MR1: variants seen among roughly 807,000 people sequenced by gnomAD.
MR1 encodes major histocompatibility complex, class I-related.
A neutral mutation model predicts 37.8 loss-of-function variants in MR1; 44 were observed. The observed-to-expected ratio is 1.16, with a 90% CI of 0.91 to 1.50. The LOEUF (loss-of-function observed/expected upper bound fraction) is 1.50. Among genes scored for constraint, MR1 ranks in the 40% most tolerant of loss-of-function variants. The pLI is 0.00. For missense variants in MR1, 386 were observed against 419.1 expected (o/e 0.92, Z 0.69); for synonymous variants, 153 against 155.8 (o/e 0.98, Z 0.13).
In MR1 at chr1:181,055,546, T is replaced by C. The variant is rs1327175977; in HGVS notation, c.*281T>C. On this transcript the variant is annotated 3_prime_UTR_variant, in exon 6 of 6. Coordinates refer to ENST00000367580, the MANE Select transcript of MR1 (RefSeq NM_001385161.1). The stretch of plus-strand genomic sequence containing the variant: ...TGACACAACGCTTCCCTACATTCTA[T>C]TTGTCAATGATGATTTGCAACTAGT... 8.9e-6 allele frequency: 4 copies of C among 448,128 alleles called. No homozygotes were observed. Among genetic ancestry groups the C allele is most frequent in the Non-Finnish European group, 1.6e-5 (4 of 255,246 alleles). The allele number at this position is 448,128 out of a possible 1,614,324, so 27.8% of individuals were successfully genotyped here.
In MR1 at chr1:181,053,749, C is replaced by T. The variant is rs1658457100; in HGVS notation, c.985+72C>T. ...ATCTCTCCAGTTTTATTTTCTGCAC[C>T]TGCTGCTCCCTCCTCCATTCAGAAA... On this transcript the variant is annotated intron_variant, in intron 5 of 5. Coordinates refer to ENST00000367580, the MANE Select transcript of MR1 (RefSeq NM_001385161.1). The T allele has an allele frequency of 7.3e-6, 8 of 1,103,024 alleles. No homozygotes were observed. In the Admixed American group the frequency reaches 1.1e-4, roughly 15 times the overall value. The allele number at this position is 1,103,024 out of a possible 1,614,324, so 68.3% of individuals were successfully genotyped here.
In MR1 at chr1:181,053,586, C is replaced by G; in HGVS notation, c.894C>G (p.Ile298Met). 6.2e-7 allele frequency: 1 copy of G among 1,613,294 alleles called. No homozygotes were observed. Among genetic ancestry groups the G allele is most frequent in the Non-Finnish European group, 8.5e-7 (1 of 1,179,310 alleles). Residue 298 changes from isoleucine (I) to methionine (M), a missense_variant, in exon 5 of 6, where the codon ATC (isoleucine) becomes ATG (methionine). Physicochemically the swap from Ile to Met is conservative, Grantham distance 10 (BLOSUM62 1). Coordinates refer to ENST00000367580, the MANE Select transcript of MR1 (RefSeq NM_001385161.1). ...GCTTGCTTTCAGAATCAGAAACTAT[C>G]CCTCTTGTGATGAAAGCTGTCTCTG... Reference protein sequence around the residue: ...VLQVPQESETIPLVMKAVSGS... With the variant: ...VLQVPQESETMPLVMKAVSGS...
Position 181,059,166 on chromosome 1 carries a change from C to CT in MR1, c.*3911dup, listed in dbSNP as rs924202932. ...CACTTAACTGCATTGCCCTTTTCAT[C>CT]TTTTTTTTTTCCCCAATAGCTTCAG... On this transcript the variant is annotated 3_prime_UTR_variant, in exon 6 of 6. Coordinates refer to ENST00000367580, the MANE Select transcript of MR1 (RefSeq NM_001385161.1). 3.6e-4 allele frequency: 54 copies of CT among 150,294 alleles called. No homozygotes were observed. The highest frequency in any genetic ancestry group is 8.5e-4 in the African/African-American group (35 of 41,062). The allele number at this position is 150,294 out of a possible 1,614,324, so 9.3% of individuals were successfully genotyped here.
rs771190437 is a variant in MR1 at position 181,052,526 on chromosome 1, G to C, written c.880+16G>C. The stretch of plus-strand genomic sequence containing the variant: ...GTCCCCCAGGGTAAGGACGGGGATC[G>C]TGGCTGTCTAGGGAGAGAGCCTGGA... On this transcript the variant is annotated intron_variant, in intron 4 of 5. Transcript: ENST00000367580. 8 of 1,606,752 alleles carry C rather than the reference G, an allele frequency of 5.0e-6. No homozygotes were observed. The highest frequency in any genetic ancestry group is 1.7e-6 in the Non-Finnish European group (2 of 1,174,358).
In MR1 at chr1:181,059,085, G is replaced by C. The variant is rs1175027413; in HGVS notation, c.*3820G>C. The C allele has an allele frequency of 6.6e-6, 1 of 152,248 alleles. No homozygotes were observed. Among genetic ancestry groups the C allele is most frequent in the East Asian group, 1.9e-4 (1 of 5,198 alleles). The allele number at this position is 152,248 out of a possible 1,614,324, so 9.4% of individuals were successfully genotyped here. ...CAGGGGGCTTTGCCCATAGCCATGT[G>C]CTGTGGGCAGCAGAGCTAGGAAGAA... On this transcript the variant is annotated 3_prime_UTR_variant, in exon 6 of 6. Transcript: ENST00000367580.
chr1:181,047,227 A>T (rs1486644033), intron 1 of MR1, among the ~76,000 whole-genome samples: 1 of 152,098 alleles, frequency 6.6e-6, no homozygotes, highest in Non-Finnish European at 1.5e-5. Context: ...AATCCTTATA[A>T]CTAGTAAGTA....
chr1:181,049,743 A>G (rs1312406285), intron 2 of MR1: 1 of 522,270 alleles, frequency 1.9e-6, no homozygotes, highest in Non-Finnish European at 3.4e-6. Flanking sequence ...AATAGCCACA[A>G]AGTTTATCAG....
intron 1 of MR1, among the ~76,000 whole-genome samples, chr1:181,035,643 T>C (rs951455260): frequency 3.9e-5 from 6 of 152,154 alleles, no homozygotes; most frequent in African/African-American, 1.2e-4. Flanking sequence ...AAACATATTA[T>C]CTCCTATGAC....
rs1437343586 is a variant in MR1 at position 181,050,010 on chromosome 1, G to A, written c.329-1G>A. On this transcript the variant is annotated splice_acceptor_variant, in intron 2 of 5. Transcript: ENST00000367580. LOFTEE classifies it high-confidence loss of function. ...CCTCTGGGCTTCTGTGTGTGTTCCA[G>A]GGTCTCACACTTACCAGAGAATGAT... The A allele has an allele frequency of 6.2e-7, 1 of 1,611,472 alleles. No homozygotes were observed. Among genetic ancestry groups the A allele is most frequent in the South Asian group, 1.1e-5 (1 of 90,920 alleles).
chr1:181,049,499 C>A, intron 2 of MR1, 187 bp downstream of exon 2: 1 of 665,256 alleles, frequency 1.5e-6, no homozygotes, highest in Non-Finnish European at 2.5e-6. Context: ...CCCTCTCTCC[C>A]CCAGGAGCAC....
Position 181,055,306 on chromosome 1 carries a change from C to T in MR1, c.*41C>T. The T allele has an allele frequency of 6.4e-7, 1 of 1,561,792 alleles. No homozygotes were observed. The highest frequency in any genetic ancestry group is 8.8e-7 in the Non-Finnish European group (1 of 1,132,992). Reference sequence around the variant, plus strand: ...TTCCAGTTCTCCTTCCTCTAGGAGCCATGTTATCCTCTGTCCCCCATAGAG... The same window carrying T: ...TTCCAGTTCTCCTTCCTCTAGGAGCTATGTTATCCTCTGTCCCCCATAGAG... On this transcript the variant is annotated 3_prime_UTR_variant, in exon 6 of 6. Transcript: ENST00000367580.
At position 181,060,745 on chromosome 1, in the gene MR1, A is replaced by G. The variant is rs1366909715; in HGVS notation, c.*5480A>G. 2 of 152,274 alleles carry G rather than the reference A, an allele frequency of 1.3e-5. No homozygotes were observed. Among genetic ancestry groups the G allele is most frequent in the Non-Finnish European group, 2.9e-5 (2 of 68,066 alleles). 9.4% of individuals were successfully genotyped at this position (152,274 alleles called of 1,614,324 possible). A position where few individuals can be genotyped will look rare whatever the true frequency, so the allele number is the denominator to read the frequency against. On this transcript the variant is annotated 3_prime_UTR_variant, in exon 6 of 6. Coordinates refer to ENST00000367580, the MANE Select transcript of MR1 (RefSeq NM_001385161.1). The stretch of plus-strand genomic sequence containing the variant: ...AACTTTCATCCCTGATGGTGAAAGC[A>G]GTTGCTCCTGACCTATTTGCCCACC...
rs1322145802 is a variant in MR1, at chr1:181,058,403, T to C, written c.*3138T>C. 1.3e-5 allele frequency: 2 copies of C among 152,128 alleles called. No homozygotes were observed. Among genetic ancestry groups the C allele is most frequent in the African/African-American group, 4.8e-5 (2 of 41,400 alleles). 9.4% of individuals were successfully genotyped at this position (152,128 alleles called of 1,614,324 possible). Reference sequence around the variant, plus strand: ...TGCATATAGACCAAGATGTGGTAAATTTAAATGGCAGATGTTTTTGATGTG... The same window carrying C: ...TGCATATAGACCAAGATGTGGTAAACTTAAATGGCAGATGTTTTTGATGTG... On this transcript the variant is annotated 3_prime_UTR_variant, in exon 6 of 6. Transcript: ENST00000367580.
rs1356861397 is a variant in MR1 at position 181,058,973 on chromosome 1, C to T, written c.*3708C>T. 6.6e-6 allele frequency: 1 copy of T among 152,234 alleles called. No homozygotes were observed. The highest frequency in any genetic ancestry group is 2.4e-5 in the African/African-American group (1 of 41,454). The allele number at this position is 152,234 out of a possible 1,614,324, so 9.4% of individuals were successfully genotyped here. A position where few individuals can be genotyped will look rare whatever the true frequency, so the allele number is the denominator to read the frequency against. On this transcript the variant is annotated 3_prime_UTR_variant, in exon 6 of 6. Coordinates refer to ENST00000367580, the MANE Select transcript of MR1 (RefSeq NM_001385161.1). Reference sequence around the variant, plus strand: ...ACCCCAGAATTGGTGCAAGGGGACACATTCTTGCTTGTTAGCACCTGCTCT... The same window carrying T: ...ACCCCAGAATTGGTGCAAGGGGACATATTCTTGCTTGTTAGCACCTGCTCT...
chr1:181,052,187 G>T, intron 3 of MR1, 48 bp from the exon 4 acceptor site: 1 of 1,588,928 alleles, frequency 6.3e-7, no homozygotes, highest in Non-Finnish European at 8.6e-7. Context: ...AATATTATAT[G>T]CTCAGTACAT....
chr1:181,047,165 G>A (rs1404680940), intron 1 of MR1, among the ~76,000 whole-genome samples: 3 of 152,126 alleles, frequency 2.0e-5, no homozygotes, highest in African/African-American at 7.2e-5. Flanking sequence ...GGGAACAGCA[G>A]GGAGGGCCAA....
upstream of MR1, chr1:181,033,979 G>C: frequency 6.3e-7 from 1 of 1,596,882 alleles, no homozygotes; most frequent in Non-Finnish European, 8.5e-7. Context: ...GTCAGTTTTT[G>C]GTTAAAAGAA....
upstream of MR1, chr1:181,033,944 A>C: frequency 6.9e-7 from 1 of 1,441,270 alleles, no homozygotes; most frequent in Non-Finnish European, 9.5e-7. Context: ...CTTGTGTGTC[A>C]CCAAGAGGTT....
intron 3 of MR1, among the ~76,000 whole-genome samples, chr1:181,051,969 A>G (rs887193073): frequency 6.6e-6 from 1 of 152,200 alleles, no homozygotes; most frequent in Non-Finnish European, 1.5e-5. Flanking sequence ...ACCCCAGCAC[A>G]CTTTCCAAAC....
Sources: allele counts gnomAD v4.1 joint callset (sites outside exome capture counted in the v4.1 genomes callset), GRCh38; gene constraint gnomAD v4.1.1; transcripts MANE v1.5; gene names NCBI Gene and HGNC (gene_info 2026-07-23, HGNC 2026-07-21).